Variants in GALNTL6 observed in about 807,000 individuals in gnomAD.
GALNTL6 encodes polypeptide N-acetylgalactosaminyltransferase like 6, also known as polypeptide N-acetylgalactosaminyltransferase-like 6.
In GALNTL6, 46 loss-of-function variants were observed where a neutral mutation model predicts 73.7. The observed-to-expected ratio is 0.62, with a 90% confidence interval of 0.49 to 0.80. The LOEUF is 0.80. Ranked by LOEUF, GALNTL6 falls within the 30% of genes least tolerant of loss-of-function variation. The pLI is 0.00. For missense variants in GALNTL6, 604 were observed against 755.0 expected, an observed-to-expected ratio of 0.80 and a Z score of 2.34; for synonymous variants, 259 against 263.7, an observed-to-expected ratio of 0.98 and a Z score of 0.17.
chr4:172,728,191 C>T (rs1002433309), intron 5 of GALNTL6, among the ~76,000 whole-genome samples: 8 of 152,224 alleles, frequency 5.3e-5, no homozygotes, highest in South Asian at 2.1e-4. Flanking sequence ...CCACCAAGCC[C>T]GGCCCAATCT....
intron 10 of GALNTL6, among the ~76,000 whole-genome samples, chr4:172,981,160 A>T (rs1339742418): frequency 6.6e-6 from 1 of 152,246 alleles, no homozygotes; most frequent in Non-Finnish European, 1.5e-5. Flanking sequence ...CTGTGTACAT[A>T]GGCATATAAA....
chr4:172,828,230 T>A (rs1000289345), intron 7 of GALNTL6, among the ~76,000 whole-genome samples: 3 of 142,352 alleles, frequency 2.1e-5, no homozygotes, highest in Non-Finnish European at 4.5e-5. Context: ...CAAGATTGCA[T>A]CATTGCACTC....
intron 2 of GALNTL6, among the ~76,000 whole-genome samples, chr4:171,974,950 G>A (rs1001765994): frequency 6.6e-6 from 1 of 152,080 alleles, no homozygotes; most frequent in African/African-American, 2.4e-5. Context: ...CGGCAAGGTT[G>A]GCTGTATGTA....
intron 2 of GALNTL6, among the ~76,000 whole-genome samples, chr4:171,893,006 G>A (rs1736806278): frequency 6.6e-6 from 1 of 151,998 alleles, no homozygotes; most frequent in South Asian, 2.1e-4. Flanking sequence ...TGCAGTATCT[G>A]ACAATAATAG....
intron 5 of GALNTL6, among the ~76,000 whole-genome samples, chr4:172,748,643 C>T (rs536127391): frequency 3.3e-5 from 5 of 152,188 alleles, no homozygotes; most frequent in African/African-American, 7.2e-5. Flanking sequence ...AGTTGGTCAA[C>T]ACATACAAAG....
intron 8 of GALNTL6, among the ~76,000 whole-genome samples, chr4:172,917,129 C>G (rs1278948271): frequency 2.0e-5 from 3 of 152,094 alleles, no homozygotes; most frequent in African/African-American, 7.2e-5. Context: ...ACAAACCTGA[C>G]AAAAACAAGA....
intron 5 of GALNTL6, among the ~76,000 whole-genome samples, chr4:172,727,198 C>A (rs1345935977): frequency 6.6e-6 from 1 of 152,116 alleles, no homozygotes; most frequent in Non-Finnish European, 1.5e-5. Context: ...CTTGTGTGCC[C>A]ATAGAAAAAC....
chr4:171,977,092 T>C (rs1739743726), intron 2 of GALNTL6, among the ~76,000 whole-genome samples: 1 of 152,210 alleles, frequency 6.6e-6, no homozygotes, highest in South Asian at 2.1e-4. Context: ...GCTATGACTC[T>C]GGGCATTCAG....
chr4:171,999,526 G>A (rs1288291742), intron 2 of GALNTL6, among the ~76,000 whole-genome samples: 1 of 152,062 alleles, frequency 6.6e-6, no homozygotes, highest in East Asian at 1.9e-4. Context: ...TGGCTTCCAG[G>A]ACATAGAATG....
intron 5 of GALNTL6, among the ~76,000 whole-genome samples, chr4:172,392,871 G>A (rs1313136020): frequency 3.3e-5 from 5 of 152,076 alleles, no homozygotes; most frequent in Admixed American, 2.6e-4. Flanking sequence ...CCCAGGCTGC[G>A]GACTTGTACC....
chr4:172,112,234 T>C (rs1274076198), intron 2 of GALNTL6, among the ~76,000 whole-genome samples: 2 of 152,078 alleles, frequency 1.3e-5, no homozygotes, highest in Middle Eastern at 3.2e-3. Flanking sequence ...ATAGCTCACC[T>C]CTTTTTAGCT....
chr4:172,229,906 C>T (rs1356941378), intron 3 of GALNTL6, 142 bp downstream of exon 3: 2 of 571,300 alleles, frequency 3.5e-6, no homozygotes, highest in Non-Finnish European at 6.2e-6. Flanking sequence ...CTGGACAGAA[C>T]CTAAATGACT....
At chr4:172,772,606 GT>G (rs1738838192) in intron 5 of GALNTL6, among the ~76,000 whole-genome samples, 1 of 152,010 alleles carries the variant, frequency 6.6e-6, no homozygotes, top group Non-Finnish European at 1.5e-5. Context: ...CCTTCACCAG[GT>G]GGCATAAATG....
chr4:172,043,316 C>T (rs1253196621), intron 2 of GALNTL6, among the ~76,000 whole-genome samples: 2 of 151,558 alleles, frequency 1.3e-5, no homozygotes, highest in Non-Finnish European at 2.9e-5. Flanking sequence ...TTTATTATTA[C>T]CATTCGTATT....
At chr4:172,980,197 C>T (rs1450541889) in intron 10 of GALNTL6, among the ~76,000 whole-genome samples, 1 of 152,232 alleles carries the variant, frequency 6.6e-6, no homozygotes, top group African/African-American at 2.4e-5. Flanking sequence ...GGTTTCTTCT[C>T]TTGCACAGAT....
intron 2 of GALNTL6, among the ~76,000 whole-genome samples, chr4:171,927,267 ATTATATTG>A: frequency 6.6e-6 from 1 of 152,262 alleles, no homozygotes; most frequent in South Asian, 2.1e-4. Flanking sequence ...ATTATTTGAA[ATTATATTG>A]TTGGTGCTTT....
At chr4:172,580,225 C>A (rs1172335229) in intron 5 of GALNTL6, among the ~76,000 whole-genome samples, 1 of 152,066 alleles carries the variant, frequency 6.6e-6, no homozygotes, top group Non-Finnish European at 1.5e-5. Context: ...AAGTACAAAT[C>A]AGCCCCACAA....
At chr4:172,456,912 A>G (rs1732418746) in intron 5 of GALNTL6, among the ~76,000 whole-genome samples, 1 of 152,182 alleles carries the variant, frequency 6.6e-6, no homozygotes, top group Non-Finnish European at 1.5e-5. Flanking sequence ...AGATTCACCA[A>G]GGTTGAAATG....
chr4:172,639,782 C>T (rs1012790047), intron 5 of GALNTL6, among the ~76,000 whole-genome samples: 1 of 152,082 alleles, frequency 6.6e-6, no homozygotes, highest in African/African-American at 2.4e-5. Flanking sequence ...CATCTGCACT[C>T]ACACTGGCTC....
Sources: gnomAD v4.1 joint callset for allele counts (sites outside exome capture counted in the v4.1 genomes callset) on GRCh38, gnomAD v4.1.1 for gene constraint, MANE v1.5 for transcripts, NCBI Gene and HGNC (gene_info 2026-07-23, HGNC 2026-07-21) for gene names.